Variants in EPHA2 observed in about 807,000 individuals in gnomAD.
EPHA2 encodes the protein ephrin type-A receptor 2.
EPHA2 carries 54 observed loss-of-function variants against 104.9 expected under a neutral mutation model. That is an observed-to-expected ratio of 0.51 (90% CI 0.41 to 0.65). EPHA2 has a LOEUF of 0.65. Ranked by LOEUF, EPHA2 falls within the 30% of genes least tolerant of loss-of-function variation. The pLI, the probability that EPHA2 is intolerant of heterozygous loss-of-function variation, is 0.00. For synonymous variants in EPHA2, 560 were observed against 559.1 expected (o/e 1.00, Z -0.02); for missense variants, 1,117 against 1,369.5 (o/e 0.82, Z 2.91).
rs765744442 is a variant in EPHA2 at position 16,129,474 on chromosome 1, C to T, written c.2785G>A (p.Gly929Ser). Residue 929 changes from glycine to serine, a missense_variant, in exon 16 of 17, where the codon GGC becomes AGC. By Grantham distance (56) the Gly-to-Ser change is moderately conservative. Around this residue, in one of 3 missense-constraint regions of EPHA2, gnomAD observed 340 missense variants for 480.5 expected, o/e 0.71. Transcript: ENST00000358432. Reference protein sequence around the residue: ...QQYTEHFMAAGYTAIEKVVQM... With the variant: ...QQYTEHFMAASYTAIEKVVQM... ...ACCACCTTCTCGATGGCAGTGTAGC[C>T]GGCCGCCATGAAGTGCTCCGTATAC... The T allele has an allele frequency of 1.1e-5, 18 of 1,613,710 alleles. No homozygotes were observed. Among genetic ancestry groups the T allele is most frequent in the South Asian group, 1.1e-4 (10 of 91,074 alleles).
chr1:16,148,423 A>G lies in EPHA2; in HGVS notation c.778T>C (p.Cys260Arg). The G allele has an allele frequency of 1.2e-6, 2 of 1,613,548 alleles. No individual in the cohort carries two copies. The highest frequency in any genetic ancestry group is 1.7e-6 in the Non-Finnish European group (2 of 1,180,022). The change falls in exon 3 of 17, where the codon TGC (cysteine) becomes CGC (arginine). Residue 260 changes from cysteine (C) to arginine (R), a missense_variant. Physicochemically the swap from Cys to Arg is radical, Grantham distance 180. Around this residue, in one of 3 missense-constraint regions of EPHA2, gnomAD observed 664 missense variants for 784.8 expected, o/e 0.85. Transcript: ENST00000358432. The surrounding 1 kb of genome is among the most constrained non-coding windows in gnomAD (Gnocchi z 4.9). ...DGEWLVPIGQ[C>R]LCQAGYEKVE... ...TTCTCGTAGCCTGCCTGGCACAGGC[A>G]CTGCCCAATGGGCACCAGCCACTCG...
At chr1:16,126,858 C>T (rs975250682) in intron 16 of EPHA2, among the ~76,000 whole-genome samples, 1 of 152,166 alleles carries the variant, frequency 6.6e-6, no homozygotes, top group Non-Finnish European at 1.5e-5. Flanking sequence ...GTCATCTGGG[C>T]CCATCACCCC....
At position 16,135,548 on chromosome 1, in the gene EPHA2, G is replaced by A; in HGVS notation, c.1428+107C>T. 1 of 1,106,372 alleles carries A rather than the reference G, an allele frequency of 9.0e-7. No individual in the cohort carries two copies. The highest frequency in any genetic ancestry group is 2.4e-5 in the East Asian group (1 of 41,918). The allele number at this position is 1,106,372 out of a possible 1,614,324, so 68.5% of individuals were successfully genotyped here. ...CCAGGCCTCAGTTTCCCCATCTGCA[G>A]AAGGGTGCTTCTTCAGATGGCTGGG... On this transcript the variant is annotated intron_variant, in intron 6 of 16. Transcript: ENST00000358432. This position sits in a 1 kb window ranked among gnomAD's most constrained non-coding sequence, Gnocchi z 4.3.
rs1221960796 is a variant in EPHA2, at chr1:16,124,512, T to C, written c.*703A>G. ...ATGAGAGATGGGGCCGACTGGGGCA[T>C]GGGCAGGACACTCCTGCAGCACCGG... On this transcript the variant is annotated 3_prime_UTR_variant, in exon 17 of 17. Transcript: ENST00000358432. The C allele has an allele frequency of 6.6e-6, 1 of 152,476 alleles. No individual in the cohort carries two copies. The highest frequency in any genetic ancestry group is 2.1e-4 in the South Asian group (1 of 4,822). 9.4% of individuals were successfully genotyped at this position (152,476 alleles called of 1,614,324 possible).
chr1:16,148,331 C>T lies in EPHA2; in HGVS notation c.823+47G>A, dbSNP rs760190679. The T allele has an allele frequency of 2.5e-6, 4 of 1,594,416 alleles. No individual in the cohort carries two copies. The highest frequency in any genetic ancestry group is 1.7e-4 in the Middle Eastern group (1 of 6,032). On this transcript the variant is annotated intron_variant, in intron 3 of 16. Transcript: ENST00000358432. This position sits in a 1 kb window ranked among gnomAD's most constrained non-coding sequence, Gnocchi z 4.9. ...TGATTCCAAAGCTAAAGACCAGAAC[C>T]TGGGAATGCAGAACCCCCTTCCCTG... is the stretch of plus-strand genomic sequence containing the variant.
At position 16,125,375 on chromosome 1, in the gene EPHA2, C is replaced by A; in HGVS notation, c.2826-55G>T. The A allele has an allele frequency of 1.5e-5, 1 of 65,062 alleles. No individual in the cohort carries two copies. The allele number at this position is 65,062 out of a possible 1,614,324, so 4.0% of individuals were successfully genotyped here. ...TAGGGGCTGGAGCAGGGGAGGGGGC[C>A]GGGCTGGGTGGGGACAGGACTCGGT... On this transcript the variant is annotated intron_variant, in intron 16 of 16. Coordinates refer to ENST00000358432, the MANE Select transcript of EPHA2 (RefSeq NM_004431.5). The surrounding 1 kb of genome is among the most constrained non-coding windows in gnomAD (Gnocchi z 4.9).
Position 16,150,637 on chromosome 1 carries a change from AGGGCCTTCTCTGTCTCCC to A in EPHA2, c.153+241_153+258del, listed in dbSNP as rs2025015963. ...GGAACATGGAAGGCCCAGCTCCGCT[AGGGCCTTCTCTGTCTCCC>A]CAGTTCCCCCCACCTCTCAGGCTTA... is the stretch of plus-strand genomic sequence containing the variant. On this transcript the variant is annotated intron_variant, in intron 2 of 16. Coordinates refer to ENST00000358432, the MANE Select transcript of EPHA2 (RefSeq NM_004431.5). This position sits in a 1 kb window ranked among gnomAD's most constrained non-coding sequence, Gnocchi z 4.8. Among the ~76,000 whole-genome samples, 1 of 152,150 alleles carries A rather than the reference AGGGCCTTCTCTGTCTCCC, an allele frequency of 6.6e-6. No individual in the cohort carries two copies. The highest frequency in any genetic ancestry group is 2.1e-4 in the South Asian group (1 of 4,828).
At chr1:16,152,216 G>A (rs571449211) in intron 1 of EPHA2, among the ~76,000 whole-genome samples, 2 of 152,354 alleles carry the variant, frequency 1.3e-5, no homozygotes, top group South Asian at 4.1e-4. Flanking sequence ...GACCGGAGAA[G>A]GACTCAAAGG....
At chr1:16,155,655 T>G (rs1004382881) in intron 1 of EPHA2, 193 bp downstream of exon 1, 3 of 442,922 alleles carry the variant, frequency 6.8e-6, no homozygotes, top group African/African-American at 2.1e-5. Context: ...AAACCGCTTA[T>G]TCTCCGGAGC....
At chr1:16,138,577 T>C in intron 3 of EPHA2, 147 bp from the exon 4 acceptor site, 1 of 1,239,678 alleles carries the variant, frequency 8.1e-7, no homozygotes, top group Non-Finnish European at 1.1e-6. Context: ...CGGCAAAATG[T>C]CTTGTGATGG....
intron 3 of EPHA2, among the ~76,000 whole-genome samples, chr1:16,141,334 C>T (rs1157015925): frequency 6.6e-6 from 1 of 152,208 alleles, no homozygotes; most frequent in Non-Finnish European, 1.5e-5. Context: ...GTCTTCAAGT[C>T]TCCTATTGTA....
chr1:16,142,799 G>GTGGA (rs527708297), intron 3 of EPHA2, among the ~76,000 whole-genome samples: 1 of 148,888 alleles, frequency 6.7e-6, no homozygotes, highest in African/African-American at 2.5e-5. Context: ...AGGTGGATGA[G>GTGGA]TGGATGGATG....
intron 1 of EPHA2, among the ~76,000 whole-genome samples, chr1:16,152,360 G>C (rs1415100171): frequency 6.6e-6 from 1 of 152,170 alleles, no homozygotes; most frequent in African/African-American, 2.4e-5. Context: ...AGGCCCCCAG[G>C]CTGGGGCGTG....
At chr1:16,145,966 C>T (rs1355188109) in intron 3 of EPHA2, among the ~76,000 whole-genome samples, 1 of 152,314 alleles carries the variant, frequency 6.6e-6, no homozygotes, top group South Asian at 2.1e-4. Context: ...GGATTCCGCT[C>T]GCATGTCTGA....
At position 16,131,812 on chromosome 1, in the gene EPHA2, G is replaced by A; in HGVS notation, c.2384C>T (p.Thr795Ile). 1 of 1,614,120 alleles carries A rather than the reference G, an allele frequency of 6.2e-7. No homozygotes were observed. The highest frequency in any genetic ancestry group is 8.5e-7 in the Non-Finnish European group (1 of 1,180,028). Residue 795 changes from threonine to isoleucine, a missense_variant, in exon 14 of 17, where the codon ACC becomes ATC. Coordinates refer to ENST00000358432, the MANE Select transcript of EPHA2 (RefSeq NM_004431.5). The surrounding 1 kb of genome is among the most constrained non-coding windows in gnomAD (Gnocchi z 5.2). Reference sequence around the variant, plus strand: ...AAAGCTCCACACGTCGCTGGCAGAGGTGAACTTCCGGTAGGAAATGGCCTC... The same window carrying A: ...AAAGCTCCACACGTCGCTGGCAGAGATGAACTTCCGGTAGGAAATGGCCTC... ...APEAISYRKF[T>I]SASDVWSFGI...
At position 16,132,186 on chromosome 1, in the gene EPHA2, A is replaced by G; in HGVS notation, c.2203T>C (p.Tyr735His). The G allele has an allele frequency of 6.2e-7, 1 of 1,614,184 alleles. No homozygotes were observed. The change falls in exon 13 of 17, where the codon TAT becomes CAT. Residue 735 changes from tyrosine to histidine, a missense_variant. Around this residue, in one of 3 missense-constraint regions of EPHA2, gnomAD observed 340 missense variants for 480.5 expected, o/e 0.71. Transcript: ENST00000358432. ...CGGGCAGCCAGGTCACGGTGCACAT[A>G]GTTCATGTTGGCCAGGTACTTCATG... ...AGMKYLANMN[Y>H]VHRDLAARNI...
intron 16 of EPHA2, among the ~76,000 whole-genome samples, chr1:16,126,490 A>G (rs1300734024): frequency 6.6e-6 from 1 of 151,910 alleles, no homozygotes; most frequent in African/African-American, 2.4e-5. Flanking sequence ...AGTTGGGGGG[A>G]CTCCAGGACC....
At position 16,133,853 on chromosome 1, in the gene EPHA2, G is replaced by C; in HGVS notation, c.1738+7C>G. ...GGGCTGGGCCTGGAGCGGGGGCTGC[G>C]TCTCACCTGACTTGGAGAAGTAAAC... On this transcript the variant is annotated splice_region_variant and intron_variant, in intron 9 of 16. Transcript: ENST00000358432. 6.5e-7 allele frequency: 1 copy of C among 1,545,900 alleles called. No individual in the cohort carries two copies. The highest frequency in any genetic ancestry group is 1.2e-5 in the South Asian group (1 of 83,254).
chr1:16,149,338 C>T (rs1041652833), intron 2 of EPHA2, among the ~76,000 whole-genome samples: 10 of 152,114 alleles, frequency 6.6e-5, no homozygotes, highest in Non-Finnish European at 1.3e-4. Flanking sequence ...CTCTCTAAGC[C>T]GCAATTTCCT....
Sources: gnomAD v4.1 joint callset for allele counts (sites outside exome capture counted in the v4.1 genomes callset) on GRCh38, gnomAD v4.1.1 for gene constraint, gnomAD v4.1.1 regional missense constraint, Gnocchi (gnomAD v3.1) non-coding constraint, MANE v1.5 for transcripts, NCBI Gene and HGNC (gene_info 2026-07-23, HGNC 2026-07-21) for gene names.